The following KIF23 variants were observed in gnomAD, a reference collection of about 807,000 sequenced individuals.
KIF23 encodes the protein kinesin-like protein KIF23.
A neutral mutation model predicts 137.5 loss-of-function variants in KIF23; 30 were observed. The observed-to-expected ratio is 0.22, with a 90% CI of 0.16 to 0.30. KIF23 has a LOEUF of 0.30. Ranked by LOEUF, KIF23 falls within the 10% of genes least tolerant of loss-of-function variation. KIF23 has a pLI of 1.00. For synonymous variants in KIF23, 367 were observed against 391.1 expected, an observed-to-expected ratio of 0.94 and a Z score of 0.73; for missense variants, 920 against 1,194.3, an observed-to-expected ratio of 0.77 and a Z score of 3.38.
rs1027315305 is a variant in KIF23, at chr15:69,423,095, G to A, written c.564-64G>A. On this transcript the variant is annotated intron_variant, in intron 6 of 23. Coordinates refer to ENST00000679126, the MANE Select transcript of KIF23 (RefSeq NM_001367805.3). ...ATTATAGCTGTGAGCCACCATGCCC[G>A]GCTGGGATCATTTACTTTTAAAATG... The A allele has an allele frequency of 5.4e-6, 6 of 1,114,044 alleles. No homozygotes were observed. The African/African-American group carries it at 6.4e-5, about 12-fold the overall frequency. The allele number at this position is 1,114,044 out of a possible 1,614,324, so 69.0% of individuals were successfully genotyped here.
intron 11 of KIF23, chr15:69,434,712 G>T: frequency 1.4e-6 from 2 of 1,397,092 alleles, no homozygotes; most frequent in Non-Finnish European, 2.0e-6. Context: ...CAGATTGGGA[G>T]GATCAGGGAT....
intron 10 of KIF23, among the ~76,000 whole-genome samples, chr15:69,428,687 A>C (rs2057273234): frequency 9.1e-6 from 1 of 110,244 alleles, no homozygotes; most frequent in Non-Finnish European, 2.1e-5. Context: ...AAAAAAAAAC[A>C]AAAGAATTAT....
In KIF23 at chr15:69,426,073, T is replaced by C; in HGVS notation, c.780T>C (p.Pro260=). The change falls in exon 9 of 24, where the codon CCT becomes CCC. Residue 260 remains proline (P), a synonymous_variant. Coordinates refer to ENST00000679126, the MANE Select transcript of KIF23 (RefSeq NM_001367805.3). The part of the protein sequence containing the change: ...STPMRNTDFV[P]PQSKLLREDK... Reference sequence around the variant, plus strand: ...ATCTTTTTTTTCTTTCCCATAGACCTCCACAATCTAAATTGCTTCGTGAAG... The same window carrying C: ...ATCTTTTTTTTCTTTCCCATAGACCCCCACAATCTAAATTGCTTCGTGAAG... 6.4e-7 allele frequency: 1 copy of C among 1,573,370 alleles called. No homozygotes were observed. The highest frequency in any genetic ancestry group is 8.6e-7 in the Non-Finnish European group (1 of 1,168,220).
rs1338525567 is a variant in KIF23, at chr15:69,429,608, C to T, written c.1114+395C>T. Among the ~76,000 whole-genome samples, 3 of 152,054 alleles carry T rather than the reference C, an allele frequency of 2.0e-5. No individual in the cohort carries two copies. In the East Asian group the frequency reaches 5.8e-4, roughly 29 times the overall value. On this transcript the variant is annotated intron_variant, in intron 11 of 23. Coordinates refer to ENST00000679126, the MANE Select transcript of KIF23 (RefSeq NM_001367805.3). ...AGGAATGAGCCACTGTAACCGGCCT[C>T]GATGGGTGGTTTAAGCACAATTGTC...
chr15:69,422,549 A>G, intron 6 of KIF23, 114 bp downstream of exon 6: 2 of 660,478 alleles, frequency 3.0e-6, no homozygotes, highest in Non-Finnish European at 5.3e-6. Context: ...CTTTTGTGAG[A>G]TTAAAGTTAA....
chr15:69,430,599 C>T (rs1044469359), intron 11 of KIF23, among the ~76,000 whole-genome samples: 2 of 152,166 alleles, frequency 1.3e-5, no homozygotes, highest in African/African-American at 2.4e-5. Context: ...TTAAAGGCAA[C>T]GTTCCTGTCC....
At chr15:69,431,638 A>C (rs1376776231) in intron 11 of KIF23, among the ~76,000 whole-genome samples, 3 of 152,112 alleles carry the variant, frequency 2.0e-5, no homozygotes, top group African/African-American at 7.2e-5. Flanking sequence ...GAAATGATTG[A>C]AGCAATTGGG....
At chr15:69,445,128 C>A (rs530748970) in intron 20 of KIF23, 87 bp downstream of exon 20, 71 of 1,207,422 alleles carry the variant, frequency 5.9e-5, no homozygotes, top group Non-Finnish European at 7.0e-5. Context: ...TGGTGACACA[C>A]AGGTAGTGTC....
chr15:69,441,244 G>T (rs570511283), intron 19 of KIF23, among the ~76,000 whole-genome samples, 165 bp downstream of exon 19: 36 of 152,300 alleles, frequency 2.4e-4, no homozygotes, highest in African/African-American at 8.7e-4. Flanking sequence ...ATTGAGGCCT[G>T]GCTCCTCATC....
At chr15:69,434,506 G>A (rs979592048) in intron 11 of KIF23, 20 of 691,070 alleles carry the variant, frequency 2.9e-5, no homozygotes, top group Admixed American at 1.2e-4. Context: ...TACTGACCAC[G>A]CCGTGTATGC....
chr15:69,442,346 G>A (rs879458993), intron 19 of KIF23, among the ~76,000 whole-genome samples: 1 of 152,088 alleles, frequency 6.6e-6, no homozygotes, highest in African/African-American at 2.4e-5. Context: ...AAAGATTAAG[G>A]TAAAGTTTCT....
intron 13 of KIF23, 44 bp downstream of exon 13, chr15:69,435,815 G>A (rs772002699): frequency 9.4e-6 from 15 of 1,592,992 alleles, no homozygotes; most frequent in Middle Eastern, 1.7e-4. Flanking sequence ...AGTTTTTGTC[G>A]GGAAAACAGT....
At chr15:69,424,884 A>G (rs555132120) in intron 7 of KIF23, among the ~76,000 whole-genome samples, 28 of 152,274 alleles carry the variant, frequency 1.8e-4, no homozygotes, top group African/African-American at 6.7e-4. Context: ...TCTAATCTTG[A>G]GTATACCCAT....
Position 69,440,774 on chromosome 15 carries a change from A to C in KIF23, c.2116A>C (p.Ser706Arg). 6.3e-7 allele frequency: 1 copy of C among 1,589,262 alleles called. No individual in the cohort carries two copies. The highest frequency in any genetic ancestry group is 1.4e-5 in the African/African-American group (1 of 74,012). The stretch of plus-strand genomic sequence containing the variant: ...TTTTCTCCAATTTTTCTAGCTTTCT[A>C]GTAACTATATTGCTCAGATTTCCAA... The part of the protein sequence containing the change: ...SVSPSPVPLS[S>R]NYIAQISNGQ... Residue 706 changes from serine (S) to arginine (R), a missense_variant, in exon 19 of 24, where the codon AGT becomes CGT. Ser to Arg is a moderately radical substitution (Grantham distance 110, BLOSUM62 -1). This residue lies in a region of KIF23 where 714 missense variants were observed against 866.2 expected (regional missense o/e 0.82). Coordinates refer to ENST00000679126, the MANE Select transcript of KIF23 (RefSeq NM_001367805.3).
intron 11 of KIF23, chr15:69,434,863 A>G: frequency 2.6e-6 from 2 of 771,860 alleles, no homozygotes; most frequent in Middle Eastern, 4.8e-4. Flanking sequence ...CTGCTCACGT[A>G]GTCCATAGCT....
Position 69,435,754 on chromosome 15 carries a change from G to A in KIF23, c.1297G>A (p.Asp433Asn). Residue 433 changes from aspartate (D) to asparagine (N), a missense_variant, in exon 13 of 24, where the codon GAT becomes AAT. By Grantham distance (23) the Asp-to-Asn change is conservative. Coordinates refer to ENST00000679126, the MANE Select transcript of KIF23 (RefSeq NM_001367805.3). ...MIVCVNPKAE[D>N]YEENLQVMRF... is the part of the protein sequence containing the mutation. ...CGTGTGTGTGAACCCCAAGGCTGAA[G>A]ATTATGAAGAAAACTTGGTAATTTT... 6.2e-7 allele frequency: 1 copy of A among 1,613,920 alleles called. No homozygotes were observed. Among genetic ancestry groups the A allele is most frequent in the Non-Finnish European group, 8.5e-7 (1 of 1,179,994 alleles).
At chr15:69,421,303 G>A (rs1156653277) in intron 3 of KIF23, among the ~76,000 whole-genome samples, 2 of 152,072 alleles carry the variant, frequency 1.3e-5, no homozygotes, top group Non-Finnish European at 2.9e-5. Context: ...CAGGGGAATC[G>A]CTTGAACCCA....
At chr15:69,447,600 T>TGTTGC (rs2057768635) in intron 23 of KIF23, among the ~76,000 whole-genome samples, 192 bp from the exon 24 acceptor site, 4 of 152,320 alleles carry the variant, frequency 2.6e-5, no homozygotes, top group Admixed American at 2.0e-4. Context: ...TGCAGCAGGA[T>TGTTGC]AAAGATGGGA....
chr15:69,415,889 A>G, intron 1 of KIF23, 105 bp from the exon 2 acceptor site: 2 of 789,264 alleles, frequency 2.5e-6, no homozygotes, highest in Non-Finnish European at 3.9e-6. Flanking sequence ...CTGCTAAGGG[A>G]TAATTTACAG....
Sources: gnomAD v4.1 joint callset for allele counts (sites outside exome capture counted in the v4.1 genomes callset) on GRCh38, gnomAD v4.1.1 for gene constraint, gnomAD v4.1.1 regional missense constraint, MANE v1.5 for transcripts, NCBI Gene and HGNC (gene_info 2026-07-23, HGNC 2026-07-21) for gene names.